CTNNAL1: variants seen among roughly 807,000 people sequenced by gnomAD.
The protein encoded by CTNNAL1 is alpha-catulin.
CTNNAL1 carries 69 observed loss-of-function variants against 93.6 expected under a neutral mutation model. That is an observed-to-expected ratio of 0.74 (90% CI 0.61 to 0.90). The LOEUF (loss-of-function observed/expected upper bound fraction) is 0.90. Among genes scored for constraint, CTNNAL1 ranks in the 40% least tolerant of loss-of-function variants. The pLI is 0.00. For missense variants in CTNNAL1, 836 were observed against 862.0 expected (o/e 0.97, Z 0.38); for synonymous variants, 286 against 305.4 (o/e 0.94, Z 0.66).
chr9:108,984,342 CT>C lies in CTNNAL1; in HGVS notation c.729+4del. ...TATTACACAGTAAAACCAAAATTGT[CT>C]TACCTTTGAAGCTGTGAGAAGCATC... is the stretch of plus-strand genomic sequence containing the variant. On this transcript the variant is annotated splice_donor_region_variant and intron_variant, in intron 5 of 18. Coordinates refer to ENST00000325551, the MANE Select transcript of CTNNAL1 (RefSeq NM_003798.4). 6.4e-7 allele frequency: 1 copy of C among 1,566,196 alleles called. No individual in the cohort carries two copies. The highest frequency in any genetic ancestry group is 8.8e-7 in the Non-Finnish European group (1 of 1,139,564).
chr9:108,942,703 TC>T lies in CTNNAL1; in HGVS notation c.*65del. The T allele has an allele frequency of 9.7e-7, 1 of 1,027,148 alleles. No individual in the cohort carries two copies. The allele number at this position is 1,027,148 out of a possible 1,614,324, so 63.6% of individuals were successfully genotyped here. ...GATGAATTTCTGAAAAGATAAAGGA[TC>T]ATTTGATTTTTAAAAATGTCAGCTT... is the stretch of plus-strand genomic sequence containing the variant. On this transcript the variant is annotated 3_prime_UTR_variant, in exon 19 of 19. Transcript: ENST00000325551.
intron 1 of CTNNAL1, among the ~76,000 whole-genome samples, chr9:109,005,208 C>A (rs950594080): frequency 1.3e-5 from 2 of 151,998 alleles, no homozygotes; most frequent in African/African-American, 4.8e-5. Flanking sequence ...CCTACTGGCA[C>A]CAGCTTAATC....
At chr9:108,947,698 A>G (rs1830446217) in intron 15 of CTNNAL1, among the ~76,000 whole-genome samples, 1 of 152,214 alleles carries the variant, frequency 6.6e-6, no homozygotes, top group South Asian at 2.1e-4. Context: ...TCTCTCCTTT[A>G]ATGCCCTAAA....
At chr9:108,995,586 AT>A (rs961044115) in intron 2 of CTNNAL1, among the ~76,000 whole-genome samples, 87 of 152,304 alleles carry the variant, frequency 5.7e-4, no homozygotes, top group African/African-American at 2.1e-3. Context: ...AATTTATTAT[AT>A]GTCATTACTA....
At position 109,013,459 on chromosome 9, in the gene CTNNAL1, C is replaced by A; in HGVS notation, c.-17G>T. On this transcript the variant is annotated 5_prime_UTR_variant, in exon 1 of 19. Coordinates refer to ENST00000325551, the MANE Select transcript of CTNNAL1 (RefSeq NM_003798.4). ...GGCGGCCATGGCCCTCGGTCTATCC[C>A]GCAGCCGGGACTCCGCGCCGCGGCG... 2 of 1,377,202 alleles carry A rather than the reference C, an allele frequency of 1.5e-6. No homozygotes were observed. Among genetic ancestry groups the A allele is most frequent in the Non-Finnish European group, 1.9e-6 (2 of 1,059,130 alleles). The allele number at this position is 1,377,202 out of a possible 1,614,324, so 85.3% of individuals were successfully genotyped here.
intron 14 of CTNNAL1, 112 bp from the exon 15 acceptor site, chr9:108,948,346 GAAT>G (rs1275950921): frequency 1.2e-5 from 10 of 868,004 alleles, no homozygotes; most frequent in African/African-American, 5.2e-5. Context: ...AAATTTTGAA[GAAT>G]AATATGAATA....
intron 8 of CTNNAL1, among the ~76,000 whole-genome samples, chr9:108,974,286 G>A (rs1324934024): frequency 6.6e-6 from 1 of 152,218 alleles, no homozygotes; most frequent in Non-Finnish European, 1.5e-5. Flanking sequence ...ATCTTCTACT[G>A]ACAGTCAGGA....
chr9:109,012,346 A>T (rs914948655), intron 1 of CTNNAL1, among the ~76,000 whole-genome samples: 1 of 152,138 alleles, frequency 6.6e-6, no homozygotes, highest in Middle Eastern at 3.2e-3. Context: ...TAGTCAGATA[A>T]TCTTTAAGAT....
At position 108,972,661 on chromosome 9, in the gene CTNNAL1, C is replaced by A; in HGVS notation, c.1347+14G>T. On this transcript the variant is annotated intron_variant, in intron 9 of 18. Transcript: ENST00000325551. ...TTATTAAACTACAATTTCTTTAGCACCTTGTTTACTCACCTCAACAAGCTG... is the reference window on the plus strand; with the variant it reads ...TTATTAAACTACAATTTCTTTAGCAACTTGTTTACTCACCTCAACAAGCTG... 1 of 1,599,160 alleles carries A rather than the reference C, an allele frequency of 6.3e-7. No individual in the cohort carries two copies. The highest frequency in any genetic ancestry group is 1.1e-5 in the South Asian group (1 of 88,820).
chr9:108,978,510 A>G (rs138548572), intron 7 of CTNNAL1, among the ~76,000 whole-genome samples: 1 of 152,338 alleles, frequency 6.6e-6, no homozygotes, highest in East Asian at 1.9e-4. Context: ...GCCATGTTAA[A>G]TACTTTTCTG....
chr9:108,979,433 T>A lies in CTNNAL1; in HGVS notation c.949A>T (p.Asn317Tyr), dbSNP rs1831361441. ...ATGACTTCCAATGTCACAGAAAGGT[T>A]CTCTTTGGACTGAAAATAAAGATTC... is the stretch of plus-strand genomic sequence containing the variant. ...RENLYFQSKE[N>Y]LSVTLEVILE... The change falls in exon 7 of 19, where the codon AAC becomes TAC. Residue 317 changes from asparagine to tyrosine, a missense_variant. Asn to Tyr is a moderately radical substitution (Grantham distance 143). Coordinates refer to ENST00000325551, the MANE Select transcript of CTNNAL1 (RefSeq NM_003798.4). 6.2e-7 allele frequency: 1 copy of A among 1,613,972 alleles called. No homozygotes were observed. The highest frequency in any genetic ancestry group is 1.1e-5 in the South Asian group (1 of 91,082).
At position 108,943,990 on chromosome 9, in the gene CTNNAL1, G is replaced by A; in HGVS notation, c.1913C>T (p.Thr638Ile). Residue 638 changes from threonine to isoleucine, a missense_variant, in exon 16 of 19, where the codon ACT becomes ATT. Physicochemically the swap from Thr to Ile is moderately conservative, Grantham distance 89 (BLOSUM62 -1). Transcript: ENST00000325551. The part of the protein sequence containing the change: ...EVFAAEGLKL[T>I]SSVQAFSKQL... ...TTTTGAAAAAGCTTGAACACTGGAAGTAAGCTTTAAACCCTCTGCAGCAAA... is the reference window on the plus strand; with the variant it reads ...TTTTGAAAAAGCTTGAACACTGGAAATAAGCTTTAAACCCTCTGCAGCAAA... 1 of 1,613,864 alleles carries A rather than the reference G, an allele frequency of 6.2e-7. No individual in the cohort carries two copies. Among genetic ancestry groups the A allele is most frequent in the African/African-American group, 1.3e-5 (1 of 75,042 alleles).
chr9:109,009,498 G>T (rs143188107), intron 1 of CTNNAL1, among the ~76,000 whole-genome samples: 1 of 151,882 alleles, frequency 6.6e-6, no homozygotes, highest in African/African-American at 2.4e-5. Context: ...GTCATTTACC[G>T]AGTTTCCATA....
intron 9 of CTNNAL1, among the ~76,000 whole-genome samples, chr9:108,972,044 A>G (rs578117489): frequency 1.1e-4 from 16 of 152,294 alleles, no homozygotes; most frequent in East Asian, 7.7e-4. Context: ...GGGAAGCCCC[A>G]TCCACAGATG....
chr9:108,952,537 A>C (rs374055269), intron 12 of CTNNAL1, 43 bp from the exon 13 acceptor site: 40 of 1,607,996 alleles, frequency 2.5e-5, no homozygotes, highest in Non-Finnish European at 3.4e-5. Flanking sequence ...AAAGCAGTAC[A>C]TTAAACTGTA....
intron 4 of CTNNAL1, among the ~76,000 whole-genome samples, chr9:108,988,959 A>G (rs1831698921): frequency 6.6e-6 from 1 of 152,246 alleles, no homozygotes; most frequent in African/African-American, 2.4e-5. Flanking sequence ...TATTCCAAAA[A>G]AGTGACCCAG....
intron 1 of CTNNAL1, among the ~76,000 whole-genome samples, chr9:109,009,954 T>A (rs951330298): frequency 2.0e-5 from 3 of 152,200 alleles, no homozygotes; most frequent in African/African-American, 7.2e-5. Context: ...AAAAGCAACA[T>A]ATTCTTAGGA....
chr9:108,966,495 C>T (rs1201102767), intron 10 of CTNNAL1, among the ~76,000 whole-genome samples: 3 of 152,116 alleles, frequency 2.0e-5, no homozygotes, highest in Non-Finnish European at 4.4e-5. Context: ...TCCCTCGTGC[C>T]CCTCAGTGCT....
chr9:109,001,148 G>T (rs1826809417), intron 1 of CTNNAL1, among the ~76,000 whole-genome samples: 1 of 142,412 alleles, frequency 7.0e-6, no homozygotes, highest in Non-Finnish European at 1.5e-5. Context: ...CTCCAGCCCG[G>T]GTGACAGTAT....
Sources: allele counts gnomAD v4.1 joint callset (sites outside exome capture counted in the v4.1 genomes callset), GRCh38; gene constraint gnomAD v4.1.1; transcripts MANE v1.5; gene names NCBI Gene and HGNC (gene_info 2026-07-23, HGNC 2026-07-21).